Variants in ERICH3 observed in about 807,000 individuals in gnomAD.
ERICH3 encodes the protein glutamate-rich protein 3.
Under a neutral mutation model 131.1 loss-of-function variants are expected in ERICH3, and 126 were observed. The observed-to-expected ratio is 0.96, with a 90% CI of 0.83 to 1.11. The LOEUF is 1.11. ERICH3 is among the 50% of genes most tolerant of loss of function. ERICH3 has a pLI of 0.00. For missense variants in ERICH3, 2,050 were observed against 1,810.7 expected, an observed-to-expected ratio of 1.13 and a Z score of -2.40; for synonymous variants, 695 against 644.6, an observed-to-expected ratio of 1.08 and a Z score of -1.18.
At position 74,572,168 on chromosome 1, in the gene ERICH3, C is replaced by T. The variant is rs1453501587; in HGVS notation, c.3542G>A (p.Arg1181Lys). 6.2e-7 allele frequency: 1 copy of T among 1,612,092 alleles called. No homozygotes were observed. The highest frequency in any genetic ancestry group is 2.2e-5 in the East Asian group (1 of 44,600). The change falls in exon 14 of 15, where the codon AGA (arginine) becomes AAA (lysine). Residue 1181 changes from arginine (R) to lysine (K), a missense_variant. By Grantham distance (26) the Arg-to-Lys change is conservative (BLOSUM62 2). Transcript: ENST00000326665. The stretch of plus-strand genomic sequence containing the variant: ...CTCTGTGTCTCTGGCTTCACTCAGT[C>T]TTTCCCCTCCTCCTTCTTTCCTCAG... ...TALRKEGGGE[R>K]LSEARDTEHK... is the part of the protein sequence containing the mutation.
chr1:74,621,025 C>T, intron 7 of ERICH3, 111 bp from the exon 8 acceptor site: 1 of 854,572 alleles, frequency 1.2e-6, no homozygotes, highest in South Asian at 3.2e-5. Flanking sequence ...TACCTACCAA[C>T]AAAATCTAAA....
At chr1:74,612,426 C>A (rs1305235452) in intron 9 of ERICH3, among the ~76,000 whole-genome samples, 197 bp downstream of exon 9, 1 of 152,116 alleles carries the variant, frequency 6.6e-6, no homozygotes, top group Admixed American at 6.5e-5. Flanking sequence ...TTATATAACA[C>A]CTCTGTAAGT....
At chr1:74,643,185 A>C in intron 3 of ERICH3, 87 bp from the exon 4 acceptor site, 1 of 876,970 alleles carries the variant, frequency 1.1e-6, no homozygotes, top group East Asian at 2.5e-5. Flanking sequence ...ACAGATAACT[A>C]TATTCTCAAT....
In ERICH3 at chr1:74,599,784, G is replaced by A. The variant is rs141528857; in HGVS notation, c.1637C>T (p.Thr546Ile). The change falls in exon 11 of 15, where the codon ACC becomes ATC. Residue 546 changes from threonine to isoleucine, a missense_variant. Coordinates refer to ENST00000326665, the MANE Select transcript of ERICH3 (RefSeq NM_001002912.5). Reference protein sequence around the residue: ...DNLDPEKESETSSQKAPDARD... With the variant: ...DNLDPEKESEISSQKAPDARD... Reference sequence around the variant, plus strand: ...GGCATCTGGTGCCTTCTGTGATGAGGTTTCACTCTCTTTTTCAGGGTCTAA... The same window carrying A: ...GGCATCTGGTGCCTTCTGTGATGAGATTTCACTCTCTTTTTCAGGGTCTAA... The A allele has an allele frequency of 6.2e-7, 1 of 1,612,228 alleles. No homozygotes were observed. The highest frequency in any genetic ancestry group is 8.5e-7 in the Non-Finnish European group (1 of 1,178,998).
intron 1 of ERICH3, among the ~76,000 whole-genome samples, chr1:74,650,097 G>T (rs911201299): frequency 2.0e-5 from 3 of 152,048 alleles, no homozygotes; most frequent in Non-Finnish European, 4.4e-5. Flanking sequence ...ATATGATTTT[G>T]TTTGGGACTT....
At chr1:74,664,979 G>A (rs1312287645) in intron 1 of ERICH3, among the ~76,000 whole-genome samples, 2 of 151,998 alleles carry the variant, frequency 1.3e-5, no homozygotes, top group African/African-American at 4.8e-5. Context: ...CCATGTTATA[G>A]ACTTAACGTC....
intron 12 of ERICH3, among the ~76,000 whole-genome samples, chr1:74,583,909 T>C (rs137921708): frequency 6.6e-6 from 1 of 152,278 alleles, no homozygotes; most frequent in East Asian, 1.9e-4. Flanking sequence ...TCTTAAAACA[T>C]GTTAAGAATC....
rs180779130 is a variant in ERICH3 at position 74,662,622 on chromosome 1, A to G, written c.23+10875T>C. ...AGTTAGTGTTCTACTCAAGGTTCCA[A>G]AAACTAAGTAAGACACAGTAAGTAG... On this transcript the variant is annotated intron_variant, in intron 1 of 14. Transcript: ENST00000326665. Among the ~76,000 whole-genome samples the G allele has an allele frequency of 6.2e-3, 946 of 152,316 alleles. 7 individuals are homozygous for G. Among genetic ancestry groups the G allele is most frequent in the Admixed American group, 8.3e-3 (127 of 15,286 alleles).
Position 74,673,649 on chromosome 1 carries a change from C to A in ERICH3, c.-130G>T. ...ACCGAGGTCCCCTGTGCGCGGGCAC[C>A]TGGGCTGGGCCGCCGCCGCCCCTGG... is the stretch of plus-strand genomic sequence containing the variant. On this transcript the variant is annotated 5_prime_UTR_variant, in exon 1 of 15. It adds an upstream start codon to the 5' untranslated region. Transcript: ENST00000326665. The A allele has an allele frequency of 2.1e-6, 2 of 956,824 alleles. No individual in the cohort carries two copies. Among genetic ancestry groups the A allele is most frequent in the Non-Finnish European group, 2.8e-6 (2 of 703,172 alleles). 59.3% of individuals were successfully genotyped at this position (956,824 alleles called of 1,614,324 possible). A position where few individuals can be genotyped will look rare whatever the true frequency, so the allele number is the denominator to read the frequency against.
At position 74,596,316 on chromosome 1, in the gene ERICH3, T is replaced by G. The variant is rs186370042; in HGVS notation, c.1726+3379A>C. On this transcript the variant is annotated intron_variant, in intron 11 of 14. Coordinates refer to ENST00000326665, the MANE Select transcript of ERICH3 (RefSeq NM_001002912.5). Reference sequence around the variant, plus strand: ...CTTTCTCAAAAGGAGCTAGTTAGTCTTTTTTTTCATTACTAATTTTTAAAT... The same window carrying G: ...CTTTCTCAAAAGGAGCTAGTTAGTCGTTTTTTTCATTACTAATTTTTAAAT... 2.9e-4 allele frequency among the ~76,000 whole-genome samples: 44 copies of G among 151,592 alleles called. No homozygotes were observed. In the East Asian group the frequency reaches 7.0e-3, roughly 24 times the overall value.
In ERICH3 at chr1:74,576,889, A is replaced by G; in HGVS notation, c.2218+6T>C. ...TAATTGGACCTCTTGCAGATGGAAT[A>G]CTTACCACCAAGAGCCAGGACATAG... On this transcript the variant is annotated splice_donor_region_variant and intron_variant, in intron 13 of 14. Coordinates refer to ENST00000326665, the MANE Select transcript of ERICH3 (RefSeq NM_001002912.5). The G allele has an allele frequency of 6.2e-7, 1 of 1,600,892 alleles. No homozygotes were observed. The highest frequency in any genetic ancestry group is 8.5e-7 in the Non-Finnish European group (1 of 1,174,610).
chr1:74,624,695 C>A (rs670928), intron 7 of ERICH3: 19,382 of 152,580 alleles, frequency 0.13, 1,513 homozygotes, highest in South Asian at 0.29. Flanking sequence ...TTTCCTCCCC[C>A]ACTCCCTCTG....
intron 7 of ERICH3, among the ~76,000 whole-genome samples, chr1:74,630,155 C>A (rs962291655): frequency 7.2e-5 from 11 of 152,098 alleles, no homozygotes; most frequent in African/African-American, 2.4e-4. Context: ...ATCCTGCCCC[C>A]CAAGTGTTTC....
chr1:74,631,521 A>G (rs899803272), intron 7 of ERICH3, among the ~76,000 whole-genome samples, 192 bp downstream of exon 7: 1 of 152,094 alleles, frequency 6.6e-6, no homozygotes, highest in Non-Finnish European at 1.5e-5. Flanking sequence ...ATTATGCTAA[A>G]CTCATTATGC....
In ERICH3 at chr1:74,572,068, C is replaced by T; in HGVS notation, c.3642G>A (p.Gly1214=). The T allele has an allele frequency of 6.2e-7, 1 of 1,614,198 alleles. No homozygotes were observed. Among genetic ancestry groups the T allele is most frequent in the Non-Finnish European group, 8.5e-7 (1 of 1,180,040 alleles). The change falls in exon 14 of 15, where the codon GGG becomes GGA. Residue 1214 remains glycine (G), a synonymous_variant. Transcript: ENST00000326665. The part of the protein sequence containing the change: ...LKEGHRQDGE[G]ALAAPEAEPA... ...GCTCAGCTTCAGGAGCTGCTAAGGC[C>T]CCCTCTCCATCTTGGCGGTGCCCTT...
intron 12 of ERICH3, among the ~76,000 whole-genome samples, chr1:74,584,015 C>T (rs1439628864): frequency 3.3e-5 from 5 of 152,096 alleles, no homozygotes; most frequent in Admixed American, 3.3e-4. Context: ...AAGATATGCC[C>T]AACTTATTCC....
At chr1:74,586,465 G>A (rs886989055) in intron 12 of ERICH3, 1 of 984,374 alleles carries the variant, frequency 1.0e-6, no homozygotes, top group African/African-American at 1.7e-5. Context: ...GGTTGGGCGA[G>A]AAAGACTTTC....
In ERICH3 at chr1:74,620,747, T is replaced by A; in HGVS notation, c.987A>T (p.Lys329Asn). 6.2e-7 allele frequency: 1 copy of A among 1,603,870 alleles called. No individual in the cohort carries two copies. Among genetic ancestry groups the A allele is most frequent in the African/African-American group, 1.3e-5 (1 of 74,438 alleles). Reference protein sequence around the residue: ...GGENLCVYKGKLLEKETFQFI... With the variant: ...GGENLCVYKGNLLEKETFQFI... ...TTTTATGTGTACCTTTTTCAAGTAG[T>A]TTGCCTTTGTAGACACAAAGGTTTT... The change falls in exon 8 of 15, where the codon AAA becomes AAT. Residue 329 changes from lysine (K) to asparagine (N), a missense_variant. By Grantham distance (94) the Lys-to-Asn change is moderately conservative. Coordinates refer to ENST00000326665, the MANE Select transcript of ERICH3 (RefSeq NM_001002912.5).
chr1:74,644,064 A>G (rs1370850701), intron 3 of ERICH3, among the ~76,000 whole-genome samples: 1 of 130,452 alleles, frequency 7.7e-6, no homozygotes, highest in Non-Finnish European at 1.8e-5. Context: ...ATCTGCTTAA[A>G]AGGCAAATTG....
Sources: gnomAD v4.1 joint callset for allele counts (sites outside exome capture counted in the v4.1 genomes callset) on GRCh38, gnomAD v4.1.1 for gene constraint, MANE v1.5 for transcripts, NCBI Gene and HGNC (gene_info 2026-07-23, HGNC 2026-07-21) for gene names.